Variants in CNIH3 observed in about 807,000 individuals in gnomAD.
CNIH3 encodes cornichon family AMPA receptor auxiliary protein 3.
CNIH3 carries 14 observed loss-of-function variants against 24.1 expected under a neutral mutation model. That is an observed-to-expected ratio of 0.58 (90% CI 0.38 to 0.91). The LOEUF (loss-of-function observed/expected upper bound fraction) is 0.91. Ranked by LOEUF, CNIH3 falls within the 40% of genes least tolerant of loss-of-function variation. The pLI is 0.00. For synonymous variants in CNIH3, 68 were observed against 73.8 expected (o/e 0.92, Z 0.40); for missense variants, 178 against 196.8 (o/e 0.90, Z 0.57).
intron 1 of CNIH3, among the ~76,000 whole-genome samples, chr1:224,503,638 C>G (rs891039374): frequency 4.6e-5 from 7 of 152,220 alleles, no homozygotes; most frequent in Non-Finnish European, 7.3e-5. Context: ...TCACACAACC[C>G]TGGCAACCGC....
intron 1 of CNIH3, among the ~76,000 whole-genome samples, chr1:224,660,287 G>A (rs1023580337): frequency 2.0e-5 from 3 of 152,054 alleles, no homozygotes; most frequent in Non-Finnish European, 4.4e-5. Flanking sequence ...ATCAGATCTC[G>A]TGAGACTTAC....
intron 1 of CNIH3, among the ~76,000 whole-genome samples, chr1:224,654,239 C>T (rs574740903): frequency 5.9e-5 from 9 of 151,548 alleles, no homozygotes; most frequent in African/African-American, 2.2e-4. Context: ...AAAAATGAGC[C>T]AGTTGTGGTG....
At chr1:224,728,227 C>T (rs151296278) in intron 3 of CNIH3, among the ~76,000 whole-genome samples, 1,619 of 152,336 alleles carry the variant, frequency 0.011, 23 homozygotes, top group Non-Finnish European at 0.016. Context: ...ATGTGCATAG[C>T]AGAACTCACA....
chr1:224,629,522 C>T (rs1484344649), intron 1 of CNIH3, among the ~76,000 whole-genome samples: 1 of 152,106 alleles, frequency 6.6e-6, no homozygotes, highest in Non-Finnish European at 1.5e-5. Flanking sequence ...TATGGATAGA[C>T]TGCATTTTGT....
At chr1:224,503,004 C>T (rs1485468385) in intron 1 of CNIH3, among the ~76,000 whole-genome samples, 1 of 133,892 alleles carries the variant, frequency 7.5e-6, no homozygotes, top group African/African-American at 2.9e-5. Flanking sequence ...GTGCCAACCC[C>T]AGAAGGGCAG....
intron 1 of CNIH3, chr1:224,661,540 T>A: frequency 2.9e-6 from 1 of 347,394 alleles, no homozygotes; most frequent in Non-Finnish European, 5.5e-6. Context: ...CTCAAATAGA[T>A]TTTCAAAGTA....
intron 1 of CNIH3, 24 bp downstream of exon 1, chr1:224,617,279 C>T: frequency 6.2e-7 from 1 of 1,607,764 alleles, no homozygotes; most frequent in Non-Finnish European, 8.5e-7. Context: ...TTTGGTCTCT[C>T]TTCTTTCGCC....
At chr1:224,573,032 A>G (rs567075159) in intron 4 of CNIH3, among the ~76,000 whole-genome samples, 5 of 152,210 alleles carry the variant, frequency 3.3e-5, no homozygotes, top group Non-Finnish European at 7.3e-5. Flanking sequence ...AGATTGAATC[A>G]ATAATTAAAA....
intron 3 of CNIH3, among the ~76,000 whole-genome samples, chr1:224,705,850 C>CTTTTTTCTTTT (rs1687762236): frequency 1.1e-5 from 1 of 90,208 alleles, no homozygotes; most frequent in Non-Finnish European, 2.4e-5. Flanking sequence ...TCTTTCTTTT[C>CTTTTTTCTTTT]TTTTTTTTCT....
intron 1 of CNIH3, among the ~76,000 whole-genome samples, chr1:224,659,659 A>G (rs1685252808): frequency 6.6e-6 from 1 of 152,224 alleles, no homozygotes; most frequent in African/African-American, 2.4e-5. Context: ...TGCCAGTTAC[A>G]TGGAACAATT....
chr1:224,553,263 C>T (rs1680001291), intron 3 of CNIH3, among the ~76,000 whole-genome samples: 1 of 150,412 alleles, frequency 6.6e-6, no homozygotes, highest in African/African-American at 2.4e-5. Flanking sequence ...ACATATCTCC[C>T]TTAGATATTA....
chr1:224,442,387 A>G (rs1453694099), intron 1 of CNIH3, among the ~76,000 whole-genome samples: 3 of 152,230 alleles, frequency 2.0e-5, no homozygotes, highest in Non-Finnish European at 2.9e-5. Context: ...ATTTTCTGCT[A>G]CAGCTCTGAC....
intron 1 of CNIH3, among the ~76,000 whole-genome samples, chr1:224,670,967 G>A (rs1422069197): frequency 9.2e-5 from 14 of 152,206 alleles, no homozygotes. Context: ...CCCTAACATA[G>A]GTGGGCCTCA....
At chr1:224,674,231 T>C (rs1572700815) in intron 1 of CNIH3, among the ~76,000 whole-genome samples, 1 of 144,090 alleles carries the variant, frequency 6.9e-6, no homozygotes, top group Non-Finnish European at 1.5e-5. Flanking sequence ...CATTAGCTAA[T>C]GCACATTGAC....
chr1:224,498,880 C>T (rs56081029), intron 1 of CNIH3, among the ~76,000 whole-genome samples: 1,947 of 152,340 alleles, frequency 0.013, 54 homozygotes, highest in African/African-American at 0.044. Flanking sequence ...ACTTACATTG[C>T]TCTAGGAGAG....
intron 1 of CNIH3, among the ~76,000 whole-genome samples, chr1:224,436,380 G>T (rs1443158564): frequency 3.3e-5 from 5 of 152,034 alleles, no homozygotes; most frequent in Admixed American, 6.6e-5. Context: ...TTTGCAAAAT[G>T]GTTTATAATA....
intron 1 of CNIH3, among the ~76,000 whole-genome samples, chr1:224,440,256 G>A (rs760489892): frequency 4.7e-4 from 72 of 152,184 alleles, no homozygotes; most frequent in Non-Finnish European, 8.2e-4. Context: ...TTGAGTTAGG[G>A]TCTTGCTCTG....
At chr1:224,551,090 G>A (rs1376125847) in intron 3 of CNIH3, among the ~76,000 whole-genome samples, 1 of 152,024 alleles carries the variant, frequency 6.6e-6, no homozygotes, top group Non-Finnish European at 1.5e-5. Context: ...GAGAGGATGT[G>A]GAGAAATAGG....
intron 3 of CNIH3, among the ~76,000 whole-genome samples, chr1:224,609,040 C>T (rs972911493): frequency 6.6e-6 from 1 of 152,148 alleles, no homozygotes; most frequent in Non-Finnish European, 1.5e-5. Flanking sequence ...GGGCCACAAC[C>T]AATTATTATT....
Sources: allele counts gnomAD v4.1 joint callset (sites outside exome capture counted in the v4.1 genomes callset), GRCh38; gene constraint gnomAD v4.1.1; transcripts MANE v1.5; gene names NCBI Gene and HGNC (gene_info 2026-07-23, HGNC 2026-07-21).